The following SH2B2 variants were observed in gnomAD, a reference collection of about 807,000 sequenced individuals.
The protein encoded by SH2B2 is SH2B adaptor protein 2, also known as SH2B adapter protein 2.
In SH2B2, 37 loss-of-function variants were observed where a neutral mutation model predicts 35.7. The ratio of observed to expected loss-of-function variants is 1.04; its 90% CI spans 0.80 to 1.36. SH2B2 has a LOEUF of 1.36. SH2B2 is among the 40% of genes most tolerant of loss of function. The pLI, the probability that SH2B2 is intolerant of heterozygous loss-of-function variation, is 0.00. For synonymous variants in SH2B2, 383 were observed against 376.4 expected, an observed-to-expected ratio of 1.02 and a Z score of -0.20; for missense variants, 852 against 817.7, an observed-to-expected ratio of 1.04 and a Z score of -0.51.
chr7:102,287,656 G>A (rs782302545), intron 1 of SH2B2, among the ~76,000 whole-genome samples: 12 of 152,158 alleles, frequency 7.9e-5, no homozygotes, highest in Non-Finnish European at 1.5e-4. Context: ...CGTGGAGGGT[G>A]CCCAAGAGGC....
At chr7:102,318,155 T>C (rs1725605) in intron 7 of SH2B2, among the ~76,000 whole-genome samples, 56,742 of 151,996 alleles carry the variant, frequency 0.37, 11,338 homozygotes, top group African/African-American at 0.52. Flanking sequence ...TTTTGTTTTT[T>C]TTTGAGACAG....
At chr7:102,316,616 T>C (rs1194103904) in intron 6 of SH2B2, among the ~76,000 whole-genome samples, 1 of 151,936 alleles carries the variant, frequency 6.6e-6, no homozygotes, top group African/African-American at 2.4e-5. Context: ...CCAGGTGCAG[T>C]GGCTCACACC....
chr7:102,292,801 C>A (rs1554551976), intron 1 of SH2B2, among the ~76,000 whole-genome samples: 1 of 152,236 alleles, frequency 6.6e-6, no homozygotes, highest in East Asian at 1.9e-4. Context: ...TTAGTTCTGA[C>A]CGTCTCCCCC....
intron 4 of SH2B2, chr7:102,309,289 G>T: frequency 2.5e-6 from 1 of 396,302 alleles, no homozygotes; most frequent in Non-Finnish European, 5.0e-6. Context: ...CAGCTGGGAG[G>T]ACCGCTTGAG....
upstream of SH2B2, among the ~76,000 whole-genome samples, chr7:102,286,574 G>A (rs1322743392): frequency 6.6e-6 from 1 of 151,934 alleles, no homozygotes; most frequent in African/African-American, 2.4e-5. Flanking sequence ...GCCTGGGGCC[G>A]GCTCGGCGAC....
chr7:102,313,275 A>C (rs1450427904), intron 4 of SH2B2, among the ~76,000 whole-genome samples: 1 of 151,576 alleles, frequency 6.6e-6, no homozygotes, highest in Non-Finnish European at 1.5e-5. Flanking sequence ...CATCTCTGCA[A>C]AAAATACAAA....
At chr7:102,311,534 C>T (rs1332543756) in intron 4 of SH2B2, among the ~76,000 whole-genome samples, 1 of 145,386 alleles carries the variant, frequency 6.9e-6, no homozygotes, top group Non-Finnish European at 1.5e-5. Flanking sequence ...GGATTACAGG[C>T]GTGAGCCACT....
chr7:102,291,035 G>A (rs1160547430), intron 1 of SH2B2, among the ~76,000 whole-genome samples: 4 of 152,330 alleles, frequency 2.6e-5, no homozygotes, highest in South Asian at 2.1e-4. Flanking sequence ...AGGCAGCTGG[G>A]ATCCAAACCC....
At chr7:102,287,753 G>A (rs1792512251) in intron 1 of SH2B2, among the ~76,000 whole-genome samples, 2 of 152,166 alleles carry the variant, frequency 1.3e-5, no homozygotes, top group Admixed American at 6.5e-5. Context: ...TGCGCGGGCC[G>A]GAACCGCGCC....
At chr7:102,312,325 A>T (rs1554556277) in intron 4 of SH2B2, among the ~76,000 whole-genome samples, 1 of 152,130 alleles carries the variant, frequency 6.6e-6, no homozygotes, top group Non-Finnish European at 1.5e-5. Context: ...CAGTGAGCCG[A>T]GATCACACCA....
chr7:102,299,790 T>C (rs1307081147), intron 1 of SH2B2, among the ~76,000 whole-genome samples: 1 of 152,170 alleles, frequency 6.6e-6, no homozygotes, highest in Non-Finnish European at 1.5e-5. Flanking sequence ...GGGACCCCAC[T>C]TGAAAGCATC....
chr7:102,312,283 G>C lies in SH2B2; in HGVS notation c.924-2053G>C, dbSNP rs1793657139. 3.3e-5 allele frequency among the ~76,000 whole-genome samples: 5 copies of C among 152,124 alleles called. No individual in the cohort carries two copies. The South Asian group carries it at 1.0e-3, about 31-fold the overall frequency. ...CCAGCTACTTGGGAGGCTGAGGCAG[G>C]AGAATCACTTGAACCTGGGAGGCAG... On this transcript the variant is annotated intron_variant, in intron 4 of 8. Transcript: ENST00000444095.
Position 102,297,611 on chromosome 7 carries a change from G to A in SH2B2, c.-29-2911G>A, listed in dbSNP as rs989904898. Among the ~76,000 whole-genome samples the A allele has an allele frequency of 6.6e-6, 1 of 152,196 alleles. No individual in the cohort carries two copies. Among genetic ancestry groups the A allele is most frequent in the South Asian group, 2.1e-4 (1 of 4,828 alleles). ...GGACCTGTCTTGTCACTAACAAGCT[G>A]TTTGTCCTTAGGCCCCAAGTGAGGG... On this transcript the variant is annotated intron_variant, in intron 1 of 8. Transcript: ENST00000444095. This position sits in a 1 kb window ranked among gnomAD's most constrained non-coding sequence, Gnocchi z 4.3.
At chr7:102,320,223 G>GC (rs1162933488) in intron 7 of SH2B2, 108 bp from the exon 8 acceptor site, 2 of 941,090 alleles carry the variant, frequency 2.1e-6, no homozygotes, top group East Asian at 4.9e-5. Flanking sequence ...CCCTGACACA[G>GC]CCCCATACAG....
At chr7:102,317,416 A>G in intron 7 of SH2B2, 21 bp downstream of exon 7, 3 of 1,541,576 alleles carry the variant, frequency 1.9e-6, no homozygotes, top group South Asian at 2.5e-5. Flanking sequence ...GGGGGGCGCC[A>G]TGGGGGTGCA....
intron 1 of SH2B2, among the ~76,000 whole-genome samples, chr7:102,291,931 G>A (rs1792688347): frequency 6.6e-6 from 1 of 152,310 alleles, no homozygotes; most frequent in African/African-American, 2.4e-5. Context: ...GTGCAGAGAG[G>A]AGGCTGCAGG....
chr7:102,309,206 G>A (rs782208305), intron 4 of SH2B2: 2 of 547,814 alleles, frequency 3.7e-6, no homozygotes, highest in South Asian at 3.1e-5. Flanking sequence ...GGGCAGAGAT[G>A]GCAGTGAGTC....
chr7:102,286,212 G>T (rs1246104045), upstream of SH2B2, among the ~76,000 whole-genome samples: 4 of 152,250 alleles, frequency 2.6e-5, no homozygotes, highest in Non-Finnish European at 5.9e-5. Flanking sequence ...TGGGGGCACT[G>T]CGCTCAGGGG....
At chr7:102,313,486 T>C (rs1793704248) in intron 4 of SH2B2, among the ~76,000 whole-genome samples, 2 of 152,044 alleles carry the variant, frequency 1.3e-5, no homozygotes. Context: ...GGGGTCTCGC[T>C]ATGTTGCCCG....
Sources: gnomAD v4.1 joint callset for allele counts (sites outside exome capture counted in the v4.1 genomes callset) on GRCh38, gnomAD v4.1.1 for gene constraint, Gnocchi (gnomAD v3.1) non-coding constraint, MANE v1.5 for transcripts, NCBI Gene and HGNC (gene_info 2026-07-23, HGNC 2026-07-21) for gene names.